The following CSMD1 variants were observed in gnomAD, a reference collection of about 807,000 sequenced individuals.
CSMD1 encodes the protein CUB and Sushi multiple domains 1, also known as CUB and sushi domain-containing protein 1.
Under a neutral mutation model 417.5 loss-of-function variants are expected in CSMD1, and 213 were observed. The observed-to-expected ratio is 0.51, with a 90% CI of 0.46 to 0.57. The LOEUF is 0.57. Among genes scored for constraint, CSMD1 ranks in the 20% least tolerant of loss-of-function variants. The probability of loss-of-function intolerance (pLI) is 0.00; values close to 1 mark genes in which losing one functional copy is unlikely to be tolerated. For missense variants in CSMD1, 6,923 were observed against 4,529.7 expected (o/e 1.53, Z -15.17); for synonymous variants, 2,862 against 1,736.8 (o/e 1.65, Z -16.11).
In CSMD1 at chr8:3,812,557, C is replaced by G. The variant is rs148394824; in HGVS notation, c.819-58515G>C. 4.3e-3 allele frequency among the ~76,000 whole-genome samples: 651 copies of G among 152,282 alleles called. 5 individuals carry two copies. The highest frequency in any genetic ancestry group is 0.015 in the African/African-American group (634 of 41,546). ...AAAGCTAAGCTGAAATTCAACTATCCTCGGAGACCTTGCTTATGAGGAAAT... is the reference window on the plus strand; with the variant it reads ...AAAGCTAAGCTGAAATTCAACTATCGTCGGAGACCTTGCTTATGAGGAAAT... On this transcript the variant is annotated intron_variant, in intron 5 of 69. Coordinates refer to ENST00000635120, the MANE Select transcript of CSMD1 (RefSeq NM_033225.6).
At chr8:4,248,092 A>AT (rs199641179) in intron 3 of CSMD1, among the ~76,000 whole-genome samples, 2,072 of 152,162 alleles carry the variant, frequency 0.014, 17 homozygotes, top group Non-Finnish European at 0.021. Flanking sequence ...TTCTGAAATT[A>AT]TTTTTGTGTA....
intron 3 of CSMD1, among the ~76,000 whole-genome samples, chr8:4,060,780 G>T (rs1009400588): frequency 3.3e-5 from 5 of 152,186 alleles, no homozygotes; most frequent in African/African-American, 1.2e-4. Flanking sequence ...GACCACACAG[G>T]ACCCTGAGAT....
At chr8:4,319,310 A>C (rs564063198) in intron 3 of CSMD1, among the ~76,000 whole-genome samples, 6 of 152,224 alleles carry the variant, frequency 3.9e-5, no homozygotes, top group African/African-American at 1.4e-4. Flanking sequence ...GTTTCTTCTA[A>C]ATGAATTAAA....
chr8:3,519,046 T>A (rs1397874226), intron 10 of CSMD1, among the ~76,000 whole-genome samples: 2 of 152,220 alleles, frequency 1.3e-5, no homozygotes, highest in Non-Finnish European at 2.9e-5. Context: ...CGCAACATTT[T>A]AAAAATCCTC....
intron 3 of CSMD1, among the ~76,000 whole-genome samples, chr8:4,236,721 C>T (rs139617133): frequency 3.9e-5 from 6 of 152,336 alleles, no homozygotes; most frequent in South Asian, 2.1e-4. Flanking sequence ...GCAATAATCA[C>T]TGTGCCTTCG....
At chr8:3,273,398 T>A (rs1726842676) in intron 26 of CSMD1, among the ~76,000 whole-genome samples, 1 of 152,132 alleles carries the variant, frequency 6.6e-6, no homozygotes, top group South Asian at 2.1e-4. Flanking sequence ...ATTCTCTTTT[T>A]TGGTTGTGTC....
chr8:3,932,740 T>G (rs1483151386), intron 5 of CSMD1, among the ~76,000 whole-genome samples: 1 of 150,504 alleles, frequency 6.6e-6, no homozygotes, highest in Non-Finnish European at 1.5e-5. Context: ...AAAAATAGTG[T>G]AATGGGATAA....
chr8:4,606,734 T>C (rs1800889587), intron 2 of CSMD1, among the ~76,000 whole-genome samples: 1 of 152,226 alleles, frequency 6.6e-6, no homozygotes. Context: ...AAGACCTTTT[T>C]CTAATAAAGA....
intron 10 of CSMD1, among the ~76,000 whole-genome samples, chr8:3,558,756 G>C (rs547917247): frequency 4.0e-5 from 6 of 150,956 alleles, no homozygotes; most frequent in African/African-American, 1.5e-4. Flanking sequence ...ATGATGAATA[G>C]TGCCTCAATA....
intron 16 of CSMD1, among the ~76,000 whole-genome samples, chr8:3,398,197 G>C (rs1276899976): frequency 6.6e-6 from 1 of 152,144 alleles, no homozygotes; most frequent in African/African-American, 2.4e-5. Context: ...GCTGCTGGGA[G>C]TCAGGGCGTG....
intron 7 of CSMD1, among the ~76,000 whole-genome samples, chr8:3,694,045 GT>G (rs1426483436): frequency 5.3e-5 from 8 of 150,958 alleles, no homozygotes; most frequent in African/African-American, 1.9e-4. Context: ...TTGGGTATGT[GT>G]GTTGTGTTAG....
intron 5 of CSMD1, among the ~76,000 whole-genome samples, chr8:3,759,947 G>C (rs990015628): frequency 1.3e-5 from 2 of 150,720 alleles, no homozygotes; most frequent in Non-Finnish European, 3.0e-5. Context: ...GGAAATAATG[G>C]TAGTGATCAA....
At position 3,205,638 on chromosome 8, in the gene CSMD1, C is replaced by G. The variant is rs555943933; in HGVS notation, c.4868-18G>C. 9.3e-6 allele frequency: 12 copies of G among 1,289,314 alleles called. No individual in the cohort carries two copies. Among genetic ancestry groups the G allele is most frequent in the Non-Finnish European group, 1.3e-5 (12 of 910,440 alleles). 79.9% of individuals were successfully genotyped at this position (1,289,314 alleles called of 1,614,324 possible). On this transcript the variant is annotated intron_variant, in intron 30 of 69. Transcript: ENST00000635120. ...ACAGGGAGCTGAAAATAAAATCAAC[C>G]GAGAATTAGTCGCTGTGCAATAATA... is the stretch of plus-strand genomic sequence containing the variant.
chr8:3,466,202 G>C (rs989962882), intron 12 of CSMD1, among the ~76,000 whole-genome samples: 1 of 151,324 alleles, frequency 6.6e-6, no homozygotes, highest in Non-Finnish European at 1.5e-5. Context: ...GTGATTACTA[G>C]GACTTTTTTT....
chr8:3,486,041 T>A (rs1022739169), intron 11 of CSMD1, among the ~76,000 whole-genome samples: 4 of 152,162 alleles, frequency 2.6e-5, no homozygotes, highest in Middle Eastern at 3.2e-3. Flanking sequence ...TTGTCTTCAC[T>A]TGGCAGATAG....
intron 3 of CSMD1, among the ~76,000 whole-genome samples, chr8:4,416,488 G>A (rs931890739): frequency 6.6e-6 from 1 of 151,898 alleles, no homozygotes; most frequent in African/African-American, 2.4e-5. Context: ...TTGATATTTA[G>A]ACTTTAGAAC....
At chr8:4,147,820 G>A (rs928702665) in intron 3 of CSMD1, among the ~76,000 whole-genome samples, 1 of 152,224 alleles carries the variant, frequency 6.6e-6, no homozygotes, top group East Asian at 1.9e-4. Context: ...CGGGCAGGAA[G>A]ACACATCATC....
Position 4,146,593 on chromosome 8 carries a change from CATTTTTTTTTTTTTTTTTTTT to C in CSMD1, c.416-114515_416-114495del, listed in dbSNP as rs1451868818. On this transcript the variant is annotated intron_variant, in intron 3 of 69. Transcript: ENST00000635120. Reference sequence around the variant, plus strand: ...ATCTGTCTAAATGTTTATATGGACACATTTTTTTTTTTTTTTTTTTTTTTTTTTTTTTTTTTGAGACAGAGT... The same window carrying C: ...ATCTGTCTAAATGTTTATATGGACACTTTTTTTTTTTTTTTGAGACAGAGT... 5.9e-4 allele frequency among the ~76,000 whole-genome samples: 54 copies of C among 90,764 alleles called. No homozygotes were observed. In the South Asian group the frequency reaches 0.014, roughly 23 times the overall value. 59.5% of individuals were successfully genotyped at this position (90,764 alleles called of 152,430 possible). A position where few individuals can be genotyped will look rare whatever the true frequency, so the allele number is the denominator to read the frequency against.
chr8:4,249,640 C>T (rs564296195), intron 3 of CSMD1, among the ~76,000 whole-genome samples: 58 of 152,240 alleles, frequency 3.8e-4, no homozygotes, highest in Non-Finnish European at 7.1e-4. Context: ...CAGTGTGGAA[C>T]GTGGCTCTAG....
Sources: allele counts gnomAD v4.1 joint callset (sites outside exome capture counted in the v4.1 genomes callset), GRCh38; gene constraint gnomAD v4.1.1; transcripts MANE v1.5; gene names NCBI Gene and HGNC (gene_info 2026-07-23, HGNC 2026-07-21).